TMEM123: variants seen among roughly 807,000 people sequenced by gnomAD.
TMEM123 encodes the protein porimin.
In TMEM123, 16 loss-of-function variants were observed where a neutral mutation model predicts 19.7. The observed-to-expected ratio is 0.81, with a 90% CI of 0.55 to 1.23. TMEM123 has a LOEUF of 1.23. TMEM123 is among the 50% of genes most tolerant of loss of function. TMEM123 has a pLI of 0.00. For synonymous variants in TMEM123, 118 were observed against 99.4 expected, an observed-to-expected ratio of 1.19 and a Z score of -1.12; for missense variants, 313 against 257.8, an observed-to-expected ratio of 1.21 and a Z score of -1.47.
chr11:102,445,195 C>T lies in TMEM123; in HGVS notation c.157+3617G>A, dbSNP rs529195647. Among the ~76,000 whole-genome samples the T allele has an allele frequency of 1.3e-4, 20 of 152,300 alleles. No homozygotes were observed. In the South Asian group the frequency reaches 1.4e-3, roughly 11 times the overall value. ...AAAAAAATTACCATCAATTTTCAGACGCAATCTCAAAAACATGAGTTGAAC... is the reference window on the plus strand; with the variant it reads ...AAAAAAATTACCATCAATTTTCAGATGCAATCTCAAAAACATGAGTTGAAC... On this transcript the variant is annotated intron_variant, in intron 2 of 4. Coordinates refer to ENST00000398136, the MANE Select transcript of TMEM123 (RefSeq NM_052932.3).
intron 2 of TMEM123, among the ~76,000 whole-genome samples, chr11:102,416,832 G>C (rs891377070): frequency 6.6e-6 from 1 of 152,042 alleles, no homozygotes; most frequent in Non-Finnish European, 1.5e-5. Flanking sequence ...GGGATGCAAG[G>C]TTGGTTAAAC....
rs541414549 is a variant in TMEM123, at chr11:102,398,307, G to A, written c.*560C>T. ...ATTTGAAAATTTTCTTTTTCTTGGAGTATTTTGTTTCTAGACCAACTACTA... is the reference window on the plus strand; with the variant it reads ...ATTTGAAAATTTTCTTTTTCTTGGAATATTTTGTTTCTAGACCAACTACTA... On this transcript the variant is annotated 3_prime_UTR_variant, in exon 5 of 5. Coordinates refer to ENST00000398136, the MANE Select transcript of TMEM123 (RefSeq NM_052932.3). The A allele has an allele frequency of 3.0e-6, 1 of 331,286 alleles. No individual in the cohort carries two copies. The highest frequency in any genetic ancestry group is 5.4e-6 in the Non-Finnish European group (1 of 184,920). The allele number at this position is 331,286 out of a possible 1,614,324, so 20.5% of individuals were successfully genotyped here. A position where few individuals can be genotyped will look rare whatever the true frequency, so the allele number is the denominator to read the frequency against.
intron 2 of TMEM123, among the ~76,000 whole-genome samples, chr11:102,439,507 A>C (rs1857801256): frequency 1.3e-5 from 2 of 152,108 alleles, no homozygotes; most frequent in African/African-American, 2.4e-5. Flanking sequence ...GAAAACTAAC[A>C]AACAGAAAGG....
Position 102,397,445 on chromosome 11 carries a change from A to G in TMEM123, c.*1422T>C, listed in dbSNP as rs1420839367. On this transcript the variant is annotated 3_prime_UTR_variant, in exon 5 of 5. Transcript: ENST00000398136. ...ACTGTGACTACATACCTCTTTTGTTAAAACTTGACCCTGAGTTTTGAGTGC... is the reference window on the plus strand; with the variant it reads ...ACTGTGACTACATACCTCTTTTGTTGAAACTTGACCCTGAGTTTTGAGTGC... 1 of 152,200 alleles carries G rather than the reference A, an allele frequency of 6.6e-6. No homozygotes were observed. The highest frequency in any genetic ancestry group is 1.5e-5 in the Non-Finnish European group (1 of 68,022). The allele number at this position is 152,200 out of a possible 1,614,324, so 9.4% of individuals were successfully genotyped here.
At chr11:102,408,942 A>G (rs1951979112) in intron 2 of TMEM123, among the ~76,000 whole-genome samples, 1 of 152,224 alleles carries the variant, frequency 6.6e-6, no homozygotes, top group Non-Finnish European at 1.5e-5. Context: ...GTACTCCTCA[A>G]AGTCTGGATT....
chr11:102,398,859 G>A lies in TMEM123; in HGVS notation c.*8C>T. 1 of 1,611,248 alleles carries A rather than the reference G, an allele frequency of 6.2e-7. No homozygotes were observed. On this transcript the variant is annotated 3_prime_UTR_variant, in exon 5 of 5. Coordinates refer to ENST00000398136, the MANE Select transcript of TMEM123 (RefSeq NM_052932.3). ...AATCTGTATTCCATCCTTGGTCCATGGATTTCCTTAAATGATGGCATCATG... is the reference window on the plus strand; with the variant it reads ...AATCTGTATTCCATCCTTGGTCCATAGATTTCCTTAAATGATGGCATCATG...
chr11:102,405,956 C>T (rs949547867), intron 2 of TMEM123, among the ~76,000 whole-genome samples: 1 of 152,222 alleles, frequency 6.6e-6, no homozygotes. Context: ...TCCAAATTCA[C>T]ATTGGATGAC....
At chr11:102,432,541 G>A (rs576438887) in intron 2 of TMEM123, among the ~76,000 whole-genome samples, 6 of 152,158 alleles carry the variant, frequency 3.9e-5, no homozygotes, top group East Asian at 1.9e-4. Context: ...GTAGCAGAGC[G>A]TAAGAGTTTG....
chr11:102,441,913 C>A (rs1321294450), intron 2 of TMEM123, among the ~76,000 whole-genome samples: 6 of 152,178 alleles, frequency 3.9e-5, no homozygotes, highest in Non-Finnish European at 8.8e-5. Context: ...TCAGAGAATA[C>A]TATAAACACC....
intron 2 of TMEM123, among the ~76,000 whole-genome samples, chr11:102,432,559 T>A (rs140926219): frequency 6.6e-6 from 1 of 152,202 alleles, no homozygotes; most frequent in Non-Finnish European, 1.5e-5. Flanking sequence ...TTGGAAAATA[T>A]GTAGCCTGAT....
Position 102,452,549 on chromosome 11 carries a change from G to C in TMEM123, c.75C>G (p.Ala25=). The C allele has an allele frequency of 1.3e-6, 2 of 1,563,552 alleles. No homozygotes were observed. Among genetic ancestry groups the C allele is most frequent in the Non-Finnish European group, 1.7e-6 (2 of 1,158,844 alleles). ...CCGCCATGGCTGCGCTTTCATGGGC[G>C]GCCCCCAGCAGCGCTAGCACCTGCA... ...GTLQVLALLG[A]AHESAAMAAS... Residue 25 remains alanine, a synonymous_variant, in exon 1 of 5, where the codon GCC becomes GCG. Transcript: ENST00000398136.
intron 2 of TMEM123, among the ~76,000 whole-genome samples, chr11:102,411,955 A>G (rs1330069354): frequency 6.6e-6 from 1 of 151,976 alleles, no homozygotes; most frequent in Non-Finnish European, 1.5e-5. Context: ...TCTGCTGCCT[A>G]CCCTTCTGCC....
chr11:102,405,319 T>G (rs1687598903), intron 2 of TMEM123, among the ~76,000 whole-genome samples: 1 of 152,192 alleles, frequency 6.6e-6, no homozygotes, highest in South Asian at 2.1e-4. Flanking sequence ...CCCAAAGTGC[T>G]GGGATTACAG....
intron 2 of TMEM123, among the ~76,000 whole-genome samples, chr11:102,406,101 C>T (rs550862464): frequency 4.3e-4 from 65 of 152,334 alleles, no homozygotes; most frequent in Non-Finnish European, 7.2e-4. Context: ...ACAGTTAACA[C>T]CTGCAAAGAG....
At position 102,452,648 on chromosome 11, in the gene TMEM123, C is replaced by T; in HGVS notation, c.-25G>A. ...TTGTTCCGAGGGCAGGATGCGGCAGCCTCGTGGGCTCCCAGCCGAGGTGGC... is the reference window on the plus strand; with the variant it reads ...TTGTTCCGAGGGCAGGATGCGGCAGTCTCGTGGGCTCCCAGCCGAGGTGGC... On this transcript the variant is annotated 5_prime_UTR_variant, in exon 1 of 5. Coordinates refer to ENST00000398136, the MANE Select transcript of TMEM123 (RefSeq NM_052932.3). The T allele has an allele frequency of 1.4e-6, 2 of 1,459,856 alleles. No homozygotes were observed. Among genetic ancestry groups the T allele is most frequent in the South Asian group, 1.3e-5 (1 of 74,928 alleles). 90.4% of individuals were successfully genotyped at this position (1,459,856 alleles called of 1,614,324 possible).
intron 2 of TMEM123, among the ~76,000 whole-genome samples, chr11:102,407,638 C>A (rs1007025297): frequency 1.3e-5 from 2 of 152,150 alleles, no homozygotes; most frequent in Admixed American, 6.5e-5. Context: ...GACAGACACA[C>A]AAACACACAC....
chr11:102,451,079 A>C (rs576074823), intron 1 of TMEM123: 1 of 152,324 alleles, frequency 6.6e-6, no homozygotes, highest in South Asian at 2.1e-4. Context: ...GAGCATTTCA[A>C]GTTTTGCAAA....
intron 2 of TMEM123, among the ~76,000 whole-genome samples, chr11:102,421,933 C>T (rs143536692): frequency 2.1e-4 from 32 of 152,148 alleles, no homozygotes; most frequent in African/African-American, 6.3e-4. Flanking sequence ...TAAATAAATG[C>T]CCTGAAGTGC....
intron 2 of TMEM123, among the ~76,000 whole-genome samples, chr11:102,408,213 A>T (rs187531821): frequency 3.0e-4 from 46 of 152,348 alleles, no homozygotes; most frequent in African/African-American, 9.4e-4. Flanking sequence ...CTTCCTTCCC[A>T]GCAGCTGCAG....
Sources: gnomAD v4.1 joint callset for allele counts (sites outside exome capture counted in the v4.1 genomes callset) on GRCh38, gnomAD v4.1.1 for gene constraint, MANE v1.5 for transcripts, NCBI Gene and HGNC (gene_info 2026-07-23, HGNC 2026-07-21) for gene names.